HELB: variants seen among roughly 807,000 people sequenced by gnomAD.
HELB encodes the protein DNA 5'-3' helicase B.
A neutral mutation model predicts 101.7 loss-of-function variants in HELB; 96 were observed. The observed-to-expected ratio is 0.94, with a 90% confidence interval of 0.80 to 1.12. The LOEUF is 1.12. Ranked by LOEUF, HELB falls within the 50% of genes most tolerant of loss-of-function variation. HELB has a pLI of 0.00. For missense variants in HELB, 1,210 were observed against 1,291.9 expected, an observed-to-expected ratio of 0.94 and a Z score of 0.97; for synonymous variants, 437 against 459.7, an observed-to-expected ratio of 0.95 and a Z score of 0.63.
In HELB at chr12:66,310,548, A is replaced by AG. The variant is rs761021635; in HGVS notation, c.1623dup (p.Lys542GlufsTer23). 14 of 1,614,226 alleles carry AG rather than the reference A, an allele frequency of 8.7e-6. No homozygotes were observed. Among genetic ancestry groups the AG allele is most frequent in the African/African-American group, 1.3e-5 (1 of 75,068 alleles). Reference sequence around the variant, plus strand: ...TAGAAGTTTTGCTCACAGCACCTACAGGGAAAGCAGCTGGCTTACTAAGAC... The same window carrying AG: ...TAGAAGTTTTGCTCACAGCACCTACAGGGGAAAGCAGCTGGCTTACTAAGAC... On this transcript the variant is annotated frameshift_variant, in exon 4 of 13. Coordinates refer to ENST00000247815, the MANE Select transcript of HELB (RefSeq NM_001370285.1). LOFTEE classifies it high-confidence loss of function.
At chr12:66,318,495 T>C (rs2053634558) in intron 6 of HELB, 143 bp from the exon 7 acceptor site, 2 of 663,256 alleles carry the variant, frequency 3.0e-6, no homozygotes, top group South Asian at 2.6e-5. Flanking sequence ...TCATTTACTA[T>C]TTATAATGCA....
rs1262565684 is a variant in HELB at position 66,338,126 on chromosome 12, A to C, written c.*24A>C. The C allele has an allele frequency of 3.8e-6, 5 of 1,321,012 alleles. No homozygotes were observed. Among genetic ancestry groups the C allele is most frequent in the Admixed American group, 1.7e-5 (1 of 57,660 alleles). 81.8% of individuals were successfully genotyped at this position (1,321,012 alleles called of 1,614,324 possible). A position where few individuals can be genotyped will look rare whatever the true frequency, so the allele number is the denominator to read the frequency against. Reference sequence around the variant, plus strand: ...AGTTTTATTTCAAATTGTTCCGAGTAACTATGTTTTTCTATTGGAGACAAA... The same window carrying C: ...AGTTTTATTTCAAATTGTTCCGAGTCACTATGTTTTTCTATTGGAGACAAA... On this transcript the variant is annotated 3_prime_UTR_variant, in exon 13 of 13. Coordinates refer to ENST00000247815, the MANE Select transcript of HELB (RefSeq NM_001370285.1).
At chr12:66,340,613 G>C (rs1038886587), downstream of HELB, 4 of 183,594 alleles carry the variant, frequency 2.2e-5, no homozygotes, top group Middle Eastern at 2.4e-3. Flanking sequence ...TATATGTGGG[G>C]GGGGGGCGGG....
intron 10 of HELB, chr12:66,324,456 T>C: frequency 2.8e-6 from 1 of 353,760 alleles, no homozygotes; most frequent in South Asian, 6.3e-5. Flanking sequence ...CTTCTTCTTA[T>C]ATTTTCTAGA....
chr12:66,310,312 T>G lies in HELB; in HGVS notation c.1384T>G (p.Leu462Val), dbSNP rs1219729586. The G allele has an allele frequency of 2.5e-6, 4 of 1,614,128 alleles. No individual in the cohort carries two copies. The African/African-American group carries it at 4.0e-5, about 16-fold the overall frequency. Reference sequence around the variant, plus strand: ...ACTGGATCGGGATCAGGTGGCTGCTTTGGAAATGATTTGCTCCAATCCTGT... The same window carrying G: ...ACTGGATCGGGATCAGGTGGCTGCTGTGGAAATGATTTGCTCCAATCCTGT... Reference protein sequence around the residue: ...VPLDRDQVAALEMICSNPVTV... With the variant: ...VPLDRDQVAAVEMICSNPVTV... The change falls in exon 4 of 13, where the codon TTG becomes GTG. Residue 462 changes from leucine (L) to valine (V), a missense_variant. Physicochemically the swap from Leu to Val is conservative, Grantham distance 32 (BLOSUM62 1). Around this residue, in one of 2 missense-constraint regions of HELB, gnomAD observed 470 missense variants for 563.1 expected, o/e 0.83. Coordinates refer to ENST00000247815, the MANE Select transcript of HELB (RefSeq NM_001370285.1).
intron 11 of HELB, among the ~76,000 whole-genome samples, chr12:66,325,868 C>G (rs1001050599): frequency 6.6e-6 from 1 of 152,040 alleles, no homozygotes; most frequent in Admixed American, 6.6e-5. Context: ...TTTATCCCCC[C>G]GCCCCCAACT....
rs1555167520 is a variant in HELB at position 66,327,066 on chromosome 12, A to AATATATATATATATATAT, written c.2670+1956_2670+1957insATATATATATATATATAT. 1.9e-3 allele frequency among the ~76,000 whole-genome samples: 89 copies of AATATATATATATATATAT among 46,794 alleles called. 1 individual carries two copies. The highest frequency in any genetic ancestry group is 0.011 in the African/African-American group (85 of 7,618). The allele number at this position is 46,794 out of a possible 152,430, so 30.7% of individuals were successfully genotyped here. A position where few individuals can be genotyped will look rare whatever the true frequency, so the allele number is the denominator to read the frequency against. Reference sequence around the variant, plus strand: ...AAAAAAAAAAAAAAAAAAAAAAAAAAATATATATATATATATGTTTATATA... The same window carrying AATATATATATATATATAT: ...AAAAAAAAAAAAAAAAAAAAAAAAAAATATATATATATATATATATATATATATATATATGTTTATATA... On this transcript the variant is annotated intron_variant, in intron 11 of 12. Coordinates refer to ENST00000247815, the MANE Select transcript of HELB (RefSeq NM_001370285.1).
At chr12:66,330,691 G>A (rs140703880) in intron 11 of HELB, among the ~76,000 whole-genome samples, 1,654 of 147,122 alleles carry the variant, frequency 0.011, 38 homozygotes, top group African/African-American at 0.039. Context: ...TTCACCTATT[G>A]CTACTTAAAA....
chr12:66,333,018 C>G (rs187104482), intron 12 of HELB, among the ~76,000 whole-genome samples: 7 of 151,954 alleles, frequency 4.6e-5, no homozygotes, highest in Non-Finnish European at 2.9e-5. Flanking sequence ...CTGTCTCCTT[C>G]TCATTCAGCA....
At chr12:66,335,744 C>G (rs980988650) in intron 12 of HELB, among the ~76,000 whole-genome samples, 3 of 152,118 alleles carry the variant, frequency 2.0e-5, no homozygotes, top group Non-Finnish European at 4.4e-5. Context: ...AGGGGTTGCC[C>G]TGAGACAGGA....
chr12:66,317,894 C>T (rs961900974), intron 6 of HELB, among the ~76,000 whole-genome samples: 10 of 152,152 alleles, frequency 6.6e-5, no homozygotes, highest in African/African-American at 2.4e-4. Context: ...CAGTAGGGTA[C>T]CACCACCTCT....
At chr12:66,324,942 T>G (rs1207488058) in intron 10 of HELB, 41 bp from the exon 11 acceptor site, 1 of 1,607,572 alleles carries the variant, frequency 6.2e-7, no homozygotes, top group Non-Finnish European at 8.5e-7. Context: ...ACGTAGAACA[T>G]ATTTGAAGGT....
chr12:66,322,159 A>G lies in HELB; in HGVS notation c.2237+130A>G, dbSNP rs1397331226. ...TTAATTCTCTTTCTTATTTTGGGGT[A>G]TGTCTTTGTTAGACATGGCAGAGGG... On this transcript the variant is annotated intron_variant, in intron 8 of 12. Coordinates refer to ENST00000247815, the MANE Select transcript of HELB (RefSeq NM_001370285.1). 2 of 541,334 alleles carry G rather than the reference A, an allele frequency of 3.7e-6. 1 individual carries two copies. The highest frequency in any genetic ancestry group is 3.9e-5 in the African/African-American group (2 of 51,422). The allele number at this position is 541,334 out of a possible 1,614,324, so 33.5% of individuals were successfully genotyped here. A position where few individuals can be genotyped will look rare whatever the true frequency, so the allele number is the denominator to read the frequency against.
At position 66,322,790 on chromosome 12, in the gene HELB, G is replaced by A; in HGVS notation, c.2297+7G>A. 1.3e-6 allele frequency: 2 copies of A among 1,588,776 alleles called. No individual in the cohort carries two copies. The highest frequency in any genetic ancestry group is 2.3e-5 in the South Asian group (2 of 88,584). On this transcript the variant is annotated splice_region_variant and intron_variant, in intron 9 of 12. Transcript: ENST00000247815. ...ACACAGGCCACCTCACCAAGTGAGT[G>A]TCTTCGAGAACTGAAACTTTTAAGG...
chr12:66,304,754 C>G lies in HELB; in HGVS notation c.211C>G (p.Gln71Glu). Residue 71 changes from glutamine (Q) to glutamate (E), a missense_variant, in exon 2 of 13, where the codon CAA becomes GAA. Around this residue, in one of 2 missense-constraint regions of HELB, gnomAD observed 470 missense variants for 563.1 expected, o/e 0.83. Transcript: ENST00000247815. ...LRVSICDENT[Q>E]ETCKVFGRFP... Reference sequence around the variant, plus strand: ...AGTTTCTATTTGTGATGAAAACACACAAGAGACATGTAAAGTGTTTGGACG... The same window carrying G: ...AGTTTCTATTTGTGATGAAAACACAGAAGAGACATGTAAAGTGTTTGGACG... 1 of 1,608,120 alleles carries G rather than the reference C, an allele frequency of 6.2e-7. No individual in the cohort carries two copies. Among genetic ancestry groups the G allele is most frequent in the Non-Finnish European group, 8.5e-7 (1 of 1,177,378 alleles).
intron 11 of HELB, among the ~76,000 whole-genome samples, chr12:66,329,962 A>ATACAT (rs2053786297): frequency 6.6e-6 from 1 of 152,166 alleles, no homozygotes; most frequent in Non-Finnish European, 1.5e-5. Context: ...TATTTATCAA[A>ATACAT]CTTTTACAAT....
chr12:66,316,067 CT>C (rs1273557173), intron 6 of HELB, among the ~76,000 whole-genome samples: 1 of 152,020 alleles, frequency 6.6e-6, no homozygotes, highest in Non-Finnish European at 1.5e-5. Context: ...TTTACTGTAC[CT>C]TTTCTATGTT....
intron 4 of HELB, among the ~76,000 whole-genome samples, chr12:66,312,543 C>G (rs2053556466): frequency 6.6e-6 from 1 of 152,122 alleles, no homozygotes; most frequent in Non-Finnish European, 1.5e-5. Context: ...TTGTACTATG[C>G]CTTCATGTCT....
At chr12:66,334,990 G>C (rs144534527) in intron 12 of HELB, among the ~76,000 whole-genome samples, 221 of 152,172 alleles carry the variant, frequency 1.5e-3, no homozygotes, top group African/African-American at 5.2e-3. Flanking sequence ...GATTAGATGT[G>C]ATGAGGTAAA....
Sources: gnomAD v4.1 joint callset for allele counts (sites outside exome capture counted in the v4.1 genomes callset) on GRCh38, gnomAD v4.1.1 for gene constraint, gnomAD v4.1.1 regional missense constraint, MANE v1.5 for transcripts, NCBI Gene and HGNC (gene_info 2026-07-23, HGNC 2026-07-21) for gene names.